The following CNMD variants were observed in gnomAD, a reference collection of about 807,000 sequenced individuals.
CNMD encodes leukocyte cell-derived chemotaxin 1.
CNMD carries 30 observed loss-of-function variants against 37.5 expected under a neutral mutation model. That is an observed-to-expected ratio of 0.80 (90% CI 0.60 to 1.09). The LOEUF is 1.09. CNMD is among the 50% of genes least tolerant of loss of function. CNMD has a pLI of 0.00. For synonymous variants in CNMD, 167 were observed against 148.2 expected (o/e 1.13, Z -0.92); for missense variants, 398 against 423.9 (o/e 0.94, Z 0.54).
At chr13:52,733,614 G>A (rs755470274) in intron 2 of CNMD, 3 of 531,456 alleles carry the variant, frequency 5.6e-6, no homozygotes, top group Non-Finnish European at 1.1e-5. Flanking sequence ...AATTTGCAAT[G>A]CTGGCTGTAC....
chr13:52,708,679 C>T lies in CNMD; in HGVS notation c.646G>A (p.Val216Met). ...PKEIQRERRE[V>M]VRKIVPTTTK... ...GTAGTTGGAACAATTTTTCTTACCA[C>T]TTCTCTTCTTTCCCTCTGGATTTCT... The change falls in exon 6 of 7, where the codon GTG becomes ATG. Residue 216 changes from valine to methionine, a missense_variant. By Grantham distance (21) the Val-to-Met change is conservative. Coordinates refer to ENST00000377962, the MANE Select transcript of CNMD (RefSeq NM_007015.3). 6.2e-7 allele frequency: 1 copy of T among 1,606,182 alleles called. No homozygotes were observed. The highest frequency in any genetic ancestry group is 8.5e-7 in the Non-Finnish European group (1 of 1,178,022).
At chr13:52,709,297 A>G (rs1194826794) in intron 5 of CNMD, among the ~76,000 whole-genome samples, 1 of 152,194 alleles carries the variant, frequency 6.6e-6, no homozygotes, top group Non-Finnish European at 1.5e-5. Context: ...ACTTGATGGT[A>G]TCATTGAGTA....
At position 52,739,143 on chromosome 13, in the gene CNMD, G is replaced by T; in HGVS notation, c.101C>A (p.Ser34Tyr). 1 of 1,536,908 alleles carries T rather than the reference G, an allele frequency of 6.5e-7. No homozygotes were observed. The highest frequency in any genetic ancestry group is 8.7e-7 in the Non-Finnish European group (1 of 1,148,998). ...PAYATLTVKP[S>Y]SPARLLKVGA... Reference sequence around the variant, plus strand: ...CACCTTGAGCAGCCGCGCGGGGCTGGAGGGCTTCACCGTCAGCGTAGCGTA... The same window carrying T: ...CACCTTGAGCAGCCGCGCGGGGCTGTAGGGCTTCACCGTCAGCGTAGCGTA... The change falls in exon 2 of 7, where the codon TCC becomes TAC. Residue 34 changes from serine (S) to tyrosine (Y), a missense_variant. By Grantham distance (144) the Ser-to-Tyr change is moderately radical. Transcript: ENST00000377962. This position sits in a 1 kb window ranked among gnomAD's most constrained non-coding sequence, Gnocchi z 5.4.
At chr13:52,707,331 C>T (rs1469937938) in intron 6 of CNMD, among the ~76,000 whole-genome samples, 2 of 150,064 alleles carry the variant, frequency 1.3e-5, no homozygotes, top group African/African-American at 4.8e-5. Context: ...CATCACTTTT[C>T]AGTGTTTCAG....
chr13:52,713,751 T>C (rs753366486), intron 4 of CNMD, among the ~76,000 whole-genome samples: 5 of 152,208 alleles, frequency 3.3e-5, no homozygotes, highest in Non-Finnish European at 7.3e-5. Flanking sequence ...TTTAAAGTTA[T>C]ACAAAACTGA....
At chr13:52,727,059 A>G (rs891428499) in intron 3 of CNMD, among the ~76,000 whole-genome samples, 1 of 152,156 alleles carries the variant, frequency 6.6e-6, no homozygotes, top group Non-Finnish European at 1.5e-5. Context: ...TGAGGTCAGG[A>G]GTTCGAGACC....
intron 5 of CNMD, among the ~76,000 whole-genome samples, chr13:52,712,131 C>T (rs1226605124): frequency 1.3e-5 from 2 of 152,104 alleles, no homozygotes; most frequent in Non-Finnish European, 2.9e-5. Flanking sequence ...AGAGTGAGGC[C>T]CACCAGGCTC....
intron 2 of CNMD, among the ~76,000 whole-genome samples, chr13:52,736,081 C>T (rs1283033825): frequency 1.3e-5 from 2 of 152,060 alleles, no homozygotes; most frequent in Non-Finnish European, 2.9e-5. Context: ...GCAAGCTCCG[C>T]CTCCTGGGTT....
At chr13:52,726,442 G>A (rs1964574025) in intron 3 of CNMD, among the ~76,000 whole-genome samples, 1 of 151,714 alleles carries the variant, frequency 6.6e-6, no homozygotes, top group African/African-American at 2.4e-5. Flanking sequence ...CTTCAGAACA[G>A]TCTTCATTAA....
chr13:52,727,351 A>C (rs1350795621), intron 3 of CNMD, among the ~76,000 whole-genome samples: 1 of 152,138 alleles, frequency 6.6e-6, no homozygotes. Flanking sequence ...ACCCAGTCAG[A>C]CAAAAATAAA....
chr13:52,708,832 G>A (rs1409459152), intron 5 of CNMD, 130 bp from the exon 6 acceptor site: 4 of 672,982 alleles, frequency 5.9e-6, no homozygotes, highest in Non-Finnish European at 1.0e-5. Context: ...TAAAATTTTT[G>A]TACTGATGTT....
At chr13:52,733,567 C>G (rs1007276457) in intron 2 of CNMD, 1 of 643,818 alleles carries the variant, frequency 1.6e-6, no homozygotes, top group Non-Finnish European at 2.8e-6. Context: ...AGAGTAAAGA[C>G]TTTGGTTGCC....
intron 3 of CNMD, among the ~76,000 whole-genome samples, chr13:52,729,365 G>T (rs1964626766): frequency 6.6e-6 from 1 of 152,194 alleles, no homozygotes. Flanking sequence ...TCAGTGTCTA[G>T]AACCCAGTGT....
Position 52,739,314 on chromosome 13 carries a change from C to T in CNMD, c.73-143G>A, listed in dbSNP as rs1339910431. 3 of 1,003,556 alleles carry T rather than the reference C, an allele frequency of 3.0e-6. No individual in the cohort carries two copies. The highest frequency in any genetic ancestry group is 3.1e-5 in the East Asian group (1 of 31,976). The allele number at this position is 1,003,556 out of a possible 1,614,324, so 62.2% of individuals were successfully genotyped here. ...CTCGCCCGGGCTCCTACGGGTGCCC[C>T]TTTCGCCGCGCTCCCTCCCGAGGGT... On this transcript the variant is annotated intron_variant, in intron 1 of 6. Transcript: ENST00000377962. This position sits in a 1 kb window ranked among gnomAD's most constrained non-coding sequence, Gnocchi z 5.4.
chr13:52,736,587 G>T (rs1328947924), intron 2 of CNMD, among the ~76,000 whole-genome samples: 1 of 152,194 alleles, frequency 6.6e-6, no homozygotes, highest in Non-Finnish European at 1.5e-5. Context: ...TGTTGGAGCA[G>T]CAATTACCTT....
intron 3 of CNMD, 108 bp from the exon 4 acceptor site, chr13:52,724,218 A>G: frequency 1.3e-6 from 1 of 782,674 alleles, no homozygotes; most frequent in East Asian, 2.6e-5. Flanking sequence ...GATAGGGATG[A>G]ACAAAAGAGA....
intron 3 of CNMD, among the ~76,000 whole-genome samples, chr13:52,728,254 C>T (rs1471048563): frequency 2.6e-5 from 4 of 151,898 alleles, no homozygotes; most frequent in East Asian, 1.9e-4. Flanking sequence ...GGCGTGGTGG[C>T]GTGCACCTGT....
chr13:52,704,415 TG>T (rs1348206311), intron 6 of CNMD, among the ~76,000 whole-genome samples: 2 of 151,698 alleles, frequency 1.3e-5, no homozygotes. Context: ...CACAAAAACA[TG>T]TAAAATTCAA....
At chr13:52,728,260 C>G (rs1964607775) in intron 3 of CNMD, among the ~76,000 whole-genome samples, 1 of 152,014 alleles carries the variant, frequency 6.6e-6, no homozygotes, top group South Asian at 2.1e-4. Flanking sequence ...GTGGCGTGCA[C>G]CTGTAGTCCC....
Sources: allele counts gnomAD v4.1 joint callset (sites outside exome capture counted in the v4.1 genomes callset), GRCh38; gene constraint gnomAD v4.1.1; non-coding constraint Gnocchi (gnomAD v3.1); transcripts MANE v1.5; gene names NCBI Gene and HGNC (gene_info 2026-07-23, HGNC 2026-07-21).